Variants in ENTREP2 observed in about 807,000 individuals in gnomAD.
ENTREP2 encodes endosomal transmembrane epsin interactor 2.
At chr15:29,565,027 G>A in the ENTREP2 span, among the ~76,000 whole-genome samples, 1 of 152,136 alleles carries the variant, frequency 6.6e-6, no homozygotes, top group African/African-American at 2.4e-5. Flanking sequence ...TTCTGAATTG[G>A]AAGATTTAAT....
chr15:29,528,461 G>C, the ENTREP2 span, among the ~76,000 whole-genome samples: 1 of 152,120 alleles, frequency 6.6e-6, no homozygotes, highest in South Asian at 2.1e-4. Context: ...GTACCCAAGT[G>C]AGAGTGACAC....
At chr15:29,379,978 G>C in the ENTREP2 span, among the ~76,000 whole-genome samples, 1 of 151,594 alleles carries the variant, frequency 6.6e-6, no homozygotes, top group Admixed American at 6.6e-5. Flanking sequence ...TGCATACCCC[G>C]AGGATGTCAA....
chr15:29,442,436 C>A, the ENTREP2 span, among the ~76,000 whole-genome samples: 1 of 152,274 alleles, frequency 6.6e-6, no homozygotes, highest in African/African-American at 2.4e-5. Flanking sequence ...GGGAACACAA[C>A]CCTGATTCTA....
the ENTREP2 span, among the ~76,000 whole-genome samples, chr15:29,406,643 T>A: frequency 1.3e-5 from 2 of 152,190 alleles, no homozygotes; most frequent in African/African-American, 2.4e-5. Context: ...TCTTACACAA[T>A]CTGAAGTCAA....
the ENTREP2 span, among the ~76,000 whole-genome samples, chr15:29,218,291 TG>T: frequency 2.0e-5 from 3 of 152,102 alleles, no homozygotes; most frequent in Admixed American, 2.0e-4. Context: ...GAACCTACGG[TG>T]GGCAGGGCCC....
chr15:29,181,859 T>A, the ENTREP2 span, among the ~76,000 whole-genome samples: 1 of 152,136 alleles, frequency 6.6e-6, no homozygotes, highest in Non-Finnish European at 1.5e-5. Flanking sequence ...TATTAGAAAT[T>A]TTCAGCAAAC....
the ENTREP2 span, among the ~76,000 whole-genome samples, chr15:29,231,885 C>CTTTTTTTTTTTT: frequency 0.039 from 4,965 of 128,814 alleles, 349 homozygotes; most frequent in East Asian, 0.065. Context: ...GTTTTCTTTT[C>CTTTTTTTTTTTT]TTTTCTTTCT....
At chr15:29,257,795 C>CATA in the ENTREP2 span, among the ~76,000 whole-genome samples, 4 of 152,070 alleles carry the variant, frequency 2.6e-5, no homozygotes, top group Admixed American at 2.6e-4. Flanking sequence ...AGACAGAATT[C>CATA]ATAAGAGGAT....
the ENTREP2 span, among the ~76,000 whole-genome samples, chr15:29,293,060 G>C: frequency 5.9e-5 from 9 of 152,140 alleles, no homozygotes; most frequent in African/African-American, 2.2e-4. Flanking sequence ...AAAAAGGCTG[G>C]GTCTATATGG....
the ENTREP2 span, among the ~76,000 whole-genome samples, chr15:29,544,150 A>C: frequency 6.6e-6 from 1 of 152,238 alleles, no homozygotes; most frequent in Non-Finnish European, 1.5e-5. Context: ...ATAATTTTAC[A>C]AAATACAGTA....
At chr15:29,143,083 C>G in the ENTREP2 span, among the ~76,000 whole-genome samples, 1 of 152,160 alleles carries the variant, frequency 6.6e-6, no homozygotes. Context: ...AGTTAATGAT[C>G]CCAAATTGCT....
chr15:29,585,817 T>C, the ENTREP2 span, among the ~76,000 whole-genome samples: 1 of 144,256 alleles, frequency 6.9e-6, no homozygotes, highest in African/African-American at 2.6e-5. Flanking sequence ...GATCCCGCCA[T>C]TGCACTCCAG....
At chr15:29,396,320 A>AT in the ENTREP2 span, among the ~76,000 whole-genome samples, 1 of 141,000 alleles carries the variant, frequency 7.1e-6, no homozygotes, top group Non-Finnish European at 1.5e-5. Context: ...CATGAGTTTG[A>AT]CTTTTTTTTT....
At chr15:29,297,470 C>T in the ENTREP2 span, among the ~76,000 whole-genome samples, 1 of 152,200 alleles carries the variant, frequency 6.6e-6, no homozygotes, top group Non-Finnish European at 1.5e-5. Flanking sequence ...CAGTAGATAA[C>T]TAGTACCATC....
At chr15:29,247,655 T>C in the ENTREP2 span, among the ~76,000 whole-genome samples, 1 of 152,184 alleles carries the variant, frequency 6.6e-6, no homozygotes, top group East Asian at 1.9e-4. Context: ...ATATTGGTTG[T>C]TTCTTCACCA....
chr15:29,230,985 G>A, the ENTREP2 span, among the ~76,000 whole-genome samples: 1 of 152,152 alleles, frequency 6.6e-6, no homozygotes, highest in Non-Finnish European at 1.5e-5. Context: ...GACTAGTAAA[G>A]GGATTATTCC....
chr15:29,366,276 T>A, the ENTREP2 span, among the ~76,000 whole-genome samples: 1 of 152,052 alleles, frequency 6.6e-6, no homozygotes, highest in African/African-American at 2.4e-5. Context: ...GGTTTCACCA[T>A]ATTGGCCAGG....
the ENTREP2 span, among the ~76,000 whole-genome samples, chr15:29,203,496 G>T: frequency 6.6e-6 from 1 of 152,100 alleles, no homozygotes; most frequent in Non-Finnish European, 1.5e-5. Flanking sequence ...ATTCTAACTG[G>T]CATGAGATGG....
At chr15:29,657,483 C>CGGGGGGCG in the ENTREP2 span, among the ~76,000 whole-genome samples, 2 of 69,382 alleles carry the variant, frequency 2.9e-5, no homozygotes, top group Non-Finnish European at 5.6e-5. Context: ...GCTGGGGGGG[C>CGGGGGGCG]GGGGGGGGGG....
Sources: allele counts gnomAD v4.1 joint callset (sites outside exome capture counted in the v4.1 genomes callset), GRCh38; gene constraint gnomAD v4.1.1; transcripts MANE v1.5; gene names NCBI Gene and HGNC (gene_info 2026-07-23, HGNC 2026-07-21).